Variants in AVEN observed in about 807,000 individuals in gnomAD.
AVEN encodes cell death regulator Aven.
In AVEN, 41 loss-of-function variants were observed where a neutral mutation model predicts 38.1. That is an observed-to-expected ratio of 1.08 (90% confidence interval 0.84 to 1.40). AVEN has a LOEUF of 1.40. AVEN is among the 40% of genes most tolerant of loss of function. The probability of loss-of-function intolerance (pLI) is 0.00; values close to 1 mark genes in which losing one functional copy is unlikely to be tolerated. For synonymous variants in AVEN, 206 were observed against 171.8 expected (o/e 1.20, Z -1.56); for missense variants, 605 against 438.8 (o/e 1.38, Z -3.38).
intron 3 of AVEN, among the ~76,000 whole-genome samples, chr15:33,873,094 CTTTTTTTTTTTTTT>C (rs34223352): frequency 2.4e-5 from 2 of 85,104 alleles, no homozygotes; most frequent in Non-Finnish European, 4.2e-5. Context: ...TTTTCCTTTT[CTTTTTTTTTTTTTT>C]TTTTTTTTTT....
Position 34,038,918 on chromosome 15 carries a change from GCCGC to G in AVEN, c.125_128del (p.Gly42AlafsTer167). The G allele has an allele frequency of 5.6e-6, 4 of 715,926 alleles. No individual in the cohort carries two copies. The highest frequency in any genetic ancestry group is 5.2e-6 in the Non-Finnish European group (3 of 572,954). 44.3% of individuals were successfully genotyped at this position (715,926 alleles called of 1,614,324 possible). ...CCCGGCGTCCGCCTCCGTCCCCGCC[GCCGC>G]CTCCGCCGCCGCCTCTGGCTACCGC... On this transcript the variant is annotated frameshift_variant, in exon 1 of 6. Coordinates refer to ENST00000306730, the MANE Select transcript of AVEN (RefSeq NM_020371.3). LOFTEE classifies it high-confidence loss of function.
At chr15:34,007,333 T>C (rs1897400887) in intron 1 of AVEN, among the ~76,000 whole-genome samples, 1 of 152,204 alleles carries the variant, frequency 6.6e-6, no homozygotes, top group Non-Finnish European at 1.5e-5. Flanking sequence ...ATAATAAGAA[T>C]TGTCATGATA....
downstream of AVEN, chr15:33,864,233 C>CTA: frequency 6.7e-7 from 1 of 1,499,722 alleles, no homozygotes; most frequent in Non-Finnish European, 9.2e-7. Context: ...TCTCCCTTTC[C>CTA]TAAATCTTGA....
intron 2 of AVEN, among the ~76,000 whole-genome samples, chr15:33,876,497 G>A (rs150418927): frequency 0.037 from 5,606 of 152,092 alleles, 170 homozygotes; most frequent in Non-Finnish European, 0.044. Context: ...GCTTCAACCC[G>A]GGAGGCGGAG....
intron 2 of AVEN, among the ~76,000 whole-genome samples, chr15:33,999,223 C>T (rs1185399097): frequency 1.3e-5 from 2 of 152,222 alleles, no homozygotes; most frequent in Admixed American, 1.3e-4. Flanking sequence ...GGGTCATCTT[C>T]ACTGGCTGAG....
At chr15:33,918,458 CTTTTTTTTTTTTTT>C (rs33928063) in intron 2 of AVEN, among the ~76,000 whole-genome samples, 3 of 84,482 alleles carry the variant, frequency 3.6e-5, no homozygotes, top group African/African-American at 1.5e-4. Context: ...TAAATTACAG[CTTTTTTTTTTTTTT>C]TTTTTTTTTT....
intron 2 of AVEN, among the ~76,000 whole-genome samples, chr15:33,977,312 A>T (rs1010943483): frequency 5.3e-5 from 8 of 152,232 alleles, no homozygotes; most frequent in African/African-American, 1.9e-4. Context: ...TATTGGTAGG[A>T]TAGAAAGATC....
chr15:33,971,515 T>C (rs998068489), intron 2 of AVEN, among the ~76,000 whole-genome samples: 5 of 152,064 alleles, frequency 3.3e-5, no homozygotes, highest in African/African-American at 7.2e-5. Flanking sequence ...TTCGTGTATG[T>C]TGACATAACA....
chr15:33,860,974 G>T, intron 11 of AVEN: 1 of 938,022 alleles, frequency 1.1e-6, no homozygotes, highest in Non-Finnish European at 1.7e-6. Context: ...AAAAGCATTA[G>T]AAAGAAAGTT....
At chr15:33,876,047 A>G in intron 2 of AVEN, 52 bp from the exon 3 acceptor site, 1 of 1,533,278 alleles carries the variant, frequency 6.5e-7, no homozygotes, top group Non-Finnish European at 8.9e-7. Context: ...GGAAACTCTC[A>G]GTTCTCTAAA....
At chr15:33,999,757 C>CACTA (rs1437439032) in intron 2 of AVEN, among the ~76,000 whole-genome samples, 1 of 152,178 alleles carries the variant, frequency 6.6e-6, no homozygotes, top group Non-Finnish European at 1.5e-5. Context: ...CTACCTGCTA[C>CACTA]TAGTAGTAGC....
chr15:34,074,751 G>A (rs1900697778), exon 1 of AVEN, among the ~76,000 whole-genome samples: 1 of 152,140 alleles, frequency 6.6e-6, no homozygotes, highest in African/African-American at 2.4e-5. Context: ...ACATTCTGAA[G>A]TACTGGGAGT....
At position 34,038,945 on chromosome 15, in the gene AVEN, CGCCGCTGCGGCTCCGG is replaced by C. The variant is rs1307994947; in HGVS notation, c.86_101del (p.Pro29ArgfsTer2). 3.6e-6 allele frequency: 4 copies of C among 1,101,178 alleles called. No homozygotes were observed. The African/African-American group carries it at 7.1e-5, about 20-fold the overall frequency. 68.2% of individuals were successfully genotyped at this position (1,101,178 alleles called of 1,614,324 possible). On this transcript the variant is annotated frameshift_variant, in exon 1 of 6. Transcript: ENST00000306730. LOFTEE classifies it high-confidence loss of function. ...CGCCTCCGCCGCCGCCTCTGGCTAC[CGCCGCTGCGGCTCCGG>C]GCCGCTCGCTGTGGCGATCTCCGCC...
At chr15:33,857,999 G>A, downstream of AVEN, 2 of 1,561,202 alleles carry the variant, frequency 1.3e-6, no homozygotes, top group African/African-American at 1.4e-5. Flanking sequence ...GGGCTGTGTG[G>A]GGGTGCTCTT....
chr15:33,925,128 T>G (rs1893563964), intron 2 of AVEN, among the ~76,000 whole-genome samples: 1 of 152,196 alleles, frequency 6.6e-6, no homozygotes, highest in Non-Finnish European at 1.5e-5. Flanking sequence ...TCTTCTGGCT[T>G]TTATTATAAA....
At chr15:33,858,138 C>T (rs534324871), downstream of AVEN, 1 of 587,626 alleles carries the variant, frequency 1.7e-6, no homozygotes, top group East Asian at 2.9e-5. Flanking sequence ...ACATCTAAGC[C>T]CCGTGGAAAG....
chr15:33,914,412 G>A (rs1442503749), intron 2 of AVEN, among the ~76,000 whole-genome samples: 1 of 151,822 alleles, frequency 6.6e-6, no homozygotes, highest in African/African-American at 2.4e-5. Flanking sequence ...AAATCACAAA[G>A]ATGACCTTTT....
chr15:34,010,929 C>T (rs1897609344), intron 1 of AVEN, among the ~76,000 whole-genome samples: 1 of 152,140 alleles, frequency 6.6e-6, no homozygotes, highest in Non-Finnish European at 1.5e-5. Flanking sequence ...TAAGCAACAA[C>T]TTACACTACT....
At chr15:34,032,243 A>G (rs187496794) in intron 1 of AVEN, among the ~76,000 whole-genome samples, 4 of 152,208 alleles carry the variant, frequency 2.6e-5, no homozygotes, top group African/African-American at 4.8e-5. Flanking sequence ...GAAAAAGGCT[A>G]GTTAAGTCAT....
Sources: allele counts gnomAD v4.1 joint callset (sites outside exome capture counted in the v4.1 genomes callset), GRCh38; gene constraint gnomAD v4.1.1; transcripts MANE v1.5; gene names NCBI Gene and HGNC (gene_info 2026-07-23, HGNC 2026-07-21).